Variants in RPGRIP1 observed in about 807,000 individuals in gnomAD.
RPGRIP1 encodes the protein RPGR interacting protein 1.
Under a neutral mutation model 157.9 loss-of-function variants are expected in RPGRIP1, and 128 were observed. The ratio of observed to expected loss-of-function variants is 0.81; its 90% CI spans 0.70 to 0.94. The LOEUF (loss-of-function observed/expected upper bound fraction) is 0.94, where lower values mean the gene tolerates loss of function less well. Among genes scored for constraint, RPGRIP1 ranks in the 40% least tolerant of loss-of-function variants. The pLI, the probability that RPGRIP1 is intolerant of heterozygous loss-of-function variation, is 0.00. For synonymous variants in RPGRIP1, 554 were observed against 571.6 expected (o/e 0.97, Z 0.44); for missense variants, 1,486 against 1,545.8 (o/e 0.96, Z 0.65).
At position 21,300,949 on chromosome 14, in the gene RPGRIP1, G is replaced by T. The variant is rs1399266958; in HGVS notation, c.219-17G>T. ...ACTGTCATGAAAGGAGAAGCCACGT[G>T]CTCTATTTGTCCACAGGCTGAGGAC... On this transcript the variant is annotated splice_polypyrimidine_tract_variant and intron_variant, in intron 3 of 24. Transcript: ENST00000400017. The T allele has an allele frequency of 3.1e-6, 5 of 1,608,998 alleles. No individual in the cohort carries two copies. In the East Asian group the frequency reaches 6.7e-5, roughly 22 times the overall value.
chr14:21,346,017 C>T (rs1269790545), intron 23 of RPGRIP1, among the ~76,000 whole-genome samples: 1 of 151,960 alleles, frequency 6.6e-6, no homozygotes, highest in Non-Finnish European at 1.5e-5. Context: ...CAGGGTTTTG[C>T]CATGTTGGCC....
intron 10 of RPGRIP1, among the ~76,000 whole-genome samples, chr14:21,313,518 G>A (rs75091095): frequency 0.034 from 5,102 of 152,168 alleles, 230 homozygotes; most frequent in East Asian, 0.25. Context: ...GGCCAGGCGC[G>A]GCGGCTCATG....
Position 21,302,471 on chromosome 14 carries a change from T to G in RPGRIP1, c.491-17T>G. On this transcript the variant is annotated splice_polypyrimidine_tract_variant and intron_variant, in intron 4 of 24. Transcript: ENST00000400017. The stretch of plus-strand genomic sequence containing the variant: ...GGTACTGTTGCCCGAGTCTGCATCT[T>G]CTGTCTAAACTTTTAGGGCCAAGGG... 6.8e-7 allele frequency: 1 copy of G among 1,472,604 alleles called. No individual in the cohort carries two copies. The highest frequency in any genetic ancestry group is 9.2e-7 in the Non-Finnish European group (1 of 1,086,086). 91.2% of individuals were successfully genotyped at this position (1,472,604 alleles called of 1,614,324 possible).
intron 21 of RPGRIP1, among the ~76,000 whole-genome samples, 188 bp downstream of exon 21, chr14:21,334,893 AAAATT>A (rs1158732767): frequency 6.6e-6 from 1 of 151,188 alleles, no homozygotes; most frequent in African/African-American, 2.4e-5. Flanking sequence ...AAATACAAAA[AAAATT>A]AGCCAGGCAT....
intron 7 of RPGRIP1, 46 bp downstream of exon 7, chr14:21,307,882 C>A: frequency 1.0e-6 from 1 of 998,806 alleles, no homozygotes; most frequent in Non-Finnish European, 1.5e-6. Context: ...GGGGAAACCC[C>A]AATTAAGAGA....
chr14:21,307,440 G>T (rs1270708518), intron 6 of RPGRIP1, among the ~76,000 whole-genome samples: 1 of 152,198 alleles, frequency 6.6e-6, no homozygotes, highest in Non-Finnish European at 1.5e-5. Context: ...GACATTGCAA[G>T]GTTTGTGGGA....
At chr14:21,280,850 A>G (rs781562440) in intron 1 of RPGRIP1, among the ~76,000 whole-genome samples, 1 of 152,102 alleles carries the variant, frequency 6.6e-6, no homozygotes, top group Non-Finnish European at 1.5e-5. Context: ...AGCTCTAATT[A>G]TATTGCTCTT....
intron 6 of RPGRIP1, among the ~76,000 whole-genome samples, chr14:21,304,389 G>GAGAA (rs4058350): frequency 0.059 from 7,156 of 120,820 alleles, 204 homozygotes; most frequent in East Asian, 0.095. Context: ...GAAGGAGAGA[G>GAGAA]AGAAAGAAAG....
At chr14:21,303,223 C>G (rs1189154278) in intron 5 of RPGRIP1, 108 bp from the exon 6 acceptor site, 4 of 740,996 alleles carry the variant, frequency 5.4e-6, no homozygotes, top group Middle Eastern at 3.5e-4. Context: ...TAAGATTTTC[C>G]TCGACATGTA....
chr14:21,287,290 C>G (rs1377309190), intron 1 of RPGRIP1, among the ~76,000 whole-genome samples: 1 of 152,052 alleles, frequency 6.6e-6, no homozygotes, highest in Admixed American at 6.6e-5. Flanking sequence ...CCCGGCTAGA[C>G]TGGATACTAT....
At chr14:21,304,029 C>T (rs1373801420) in intron 6 of RPGRIP1, among the ~76,000 whole-genome samples, 1 of 145,640 alleles carries the variant, frequency 6.9e-6, no homozygotes, top group South Asian at 2.2e-4. Flanking sequence ...AATGAATTAA[C>T]CTTCTGGGCG....
In RPGRIP1 at chr14:21,313,787, G is replaced by GAA. The variant is rs113356233; in HGVS notation, c.1151+1294_1151+1295dup. 5.1e-3 allele frequency among the ~76,000 whole-genome samples: 673 copies of GAA among 130,862 alleles called. 1 individual carries two copies. The highest frequency in any genetic ancestry group is 0.012 in the Admixed American group (143 of 12,360). 85.9% of individuals were successfully genotyped at this position (130,862 alleles called of 152,430 possible). On this transcript the variant is annotated intron_variant, in intron 10 of 24. Coordinates refer to ENST00000400017, the MANE Select transcript of RPGRIP1 (RefSeq NM_020366.4). ...TGGGTGGCACAGCAAGACTTCCTCT[G>GAA]AAAAAAAAAAAAAAGATACATTGTA...
chr14:21,298,571 A>C (rs1048867450), intron 3 of RPGRIP1, among the ~76,000 whole-genome samples: 2 of 151,878 alleles, frequency 1.3e-5, no homozygotes, highest in Non-Finnish European at 2.9e-5. Flanking sequence ...GTTGTGTCAG[A>C]CCAGTTTCCT....
chr14:21,332,817 T>G lies in RPGRIP1; in HGVS notation c.3239-1788T>G, dbSNP rs890236230. Among the ~76,000 whole-genome samples, 67 of 152,226 alleles carry G rather than the reference T, an allele frequency of 4.4e-4. 1 individual carries two copies. The highest frequency in any genetic ancestry group is 1.6e-3 in the African/African-American group (66 of 41,530). On this transcript the variant is annotated intron_variant, in intron 20 of 24. Coordinates refer to ENST00000400017, the MANE Select transcript of RPGRIP1 (RefSeq NM_020366.4). Reference sequence around the variant, plus strand: ...GCTGTTCTCCATGAATTTCAAAAGATCAAGACTGGCCAGGCGCAGTGGCTT... The same window carrying G: ...GCTGTTCTCCATGAATTTCAAAAGAGCAAGACTGGCCAGGCGCAGTGGCTT...
chr14:21,341,381 T>C (rs2139326991), intron 21 of RPGRIP1, among the ~76,000 whole-genome samples: 1 of 152,208 alleles, frequency 6.6e-6, no homozygotes, highest in South Asian at 2.1e-4. Context: ...TGCAGAATCA[T>C]TGAGAGATCT....
At chr14:21,348,061 A>G (rs1239477770) in intron 23 of RPGRIP1, 111 bp from the exon 24 acceptor site, 9 of 928,236 alleles carry the variant, frequency 9.7e-6, no homozygotes, top group Admixed American at 3.9e-5. Flanking sequence ...GAGGCAAGGG[A>G]AAAGTGATTC....
At position 21,324,888 on chromosome 14, in the gene RPGRIP1, T is replaced by A; in HGVS notation, c.2033T>A (p.Phe678Tyr). 6.2e-7 allele frequency: 1 copy of A among 1,614,026 alleles called. No individual in the cohort carries two copies. The highest frequency in any genetic ancestry group is 8.5e-7 in the Non-Finnish European group (1 of 1,179,906). The change falls in exon 15 of 25, where the codon TTC becomes TAC. Residue 678 changes from phenylalanine (F) to tyrosine (Y), a missense_variant. Physicochemically the swap from Phe to Tyr is conservative, Grantham distance 22. Coordinates refer to ENST00000400017, the MANE Select transcript of RPGRIP1 (RefSeq NM_020366.4). ...GTGGGGCCACAGCCCCTCTATGACTTCACCTCCCAGTATGTGATGGAGACA... is the reference window on the plus strand; with the variant it reads ...GTGGGGCCACAGCCCCTCTATGACTACACCTCCCAGTATGTGATGGAGACA... ...LSVGPQPLYDFTSQYVMETDS... is the reference protein window; with the variant it reads ...LSVGPQPLYDYTSQYVMETDS...
intron 21 of RPGRIP1, among the ~76,000 whole-genome samples, chr14:21,338,077 T>C (rs902814058): frequency 1.3e-5 from 2 of 152,050 alleles, no homozygotes; most frequent in Non-Finnish European, 2.9e-5. Flanking sequence ...CCACCATGCC[T>C]GGCTAATTTT....
At chr14:21,335,426 A>G (rs181069726) in intron 21 of RPGRIP1, among the ~76,000 whole-genome samples, 138 of 152,210 alleles carry the variant, frequency 9.1e-4, no homozygotes, top group African/African-American at 3.3e-3. Context: ...GGGCTCATGG[A>G]GATCATTCCA....
Sources: allele counts gnomAD v4.1 joint callset (sites outside exome capture counted in the v4.1 genomes callset), GRCh38; gene constraint gnomAD v4.1.1; transcripts MANE v1.5; gene names NCBI Gene and HGNC (gene_info 2026-07-23, HGNC 2026-07-21).